The following GAS2L3 variants were observed in gnomAD, a reference collection of about 807,000 sequenced individuals.
The protein encoded by GAS2L3 is GAS2-like protein 3.
A neutral mutation model predicts 37.0 loss-of-function variants in GAS2L3; 28 were observed. The observed-to-expected ratio is 0.76, with a 90% CI of 0.56 to 1.04. GAS2L3 has a LOEUF of 1.04. GAS2L3 is among the 50% of genes least tolerant of loss of function. The pLI is 0.00. For synonymous variants in GAS2L3, 290 were observed against 296.6 expected, an observed-to-expected ratio of 0.98 and a Z score of 0.23; for missense variants, 793 against 817.6, an observed-to-expected ratio of 0.97 and a Z score of 0.37.
At position 100,624,263 on chromosome 12, in the gene GAS2L3, A is replaced by T. The variant is rs747304351; in HGVS notation, c.1458A>T (p.Val486=). ...HNHISSRDNA[V]SHLAAHSNSS... is the part of the protein sequence containing the mutation. ...ATATTTCTTCCAGAGATAATGCAGTATCTCACTTAGCTGCACATTCAAATT... is the reference window on the plus strand; with the variant it reads ...ATATTTCTTCCAGAGATAATGCAGTTTCTCACTTAGCTGCACATTCAAATT... The change falls in exon 10 of 10, where the codon GTA becomes GTT. Residue 486 remains valine (V), a synonymous_variant. Transcript: ENST00000547754. 1 of 1,614,006 alleles carries T rather than the reference A, an allele frequency of 6.2e-7. No individual in the cohort carries two copies. Among genetic ancestry groups the T allele is most frequent in the East Asian group, 2.2e-5 (1 of 44,890 alleles).
chr12:100,623,914 G>A lies in GAS2L3; in HGVS notation c.1109G>A (p.Arg370His), dbSNP rs146021257. The A allele has an allele frequency of 2.5e-4, 409 of 1,614,052 alleles. No individual in the cohort carries two copies. Among genetic ancestry groups the A allele is most frequent in the Middle Eastern group, 3.3e-4 (2 of 6,062 alleles). Reference protein sequence around the residue: ...KGGNLGSMSVRSKLPNSPAAS... With the variant: ...KGGNLGSMSVHSKLPNSPAAS... ...GGTAATCTGGGCTCTATGTCAGTCC[G>A]TTCTAAATTGCCAAATTCTCCAGCA... Residue 370 changes from arginine (R) to histidine (H), a missense_variant, in exon 10 of 10, where the codon CGT (arginine) becomes CAT (histidine). By Grantham distance (29) the Arg-to-His change is conservative. Transcript: ENST00000547754.
rs1035031351 is a variant in GAS2L3 at position 100,627,206 on chromosome 12, A to G, written c.*2316A>G. Among the ~76,000 whole-genome samples the G allele has an allele frequency of 6.6e-6, 1 of 152,138 alleles. No individual in the cohort carries two copies. The highest frequency in any genetic ancestry group is 2.4e-5 in the African/African-American group (1 of 41,450). On this transcript the variant is annotated 3_prime_UTR_variant, in exon 10 of 10. Transcript: ENST00000547754. Reference sequence around the variant, plus strand: ...TCTCCAATTACATTCATGTTGAATGAATTTTTATTTATATATAGCTTACCC... The same window carrying G: ...TCTCCAATTACATTCATGTTGAATGGATTTTTATTTATATATAGCTTACCC...
At chr12:100,588,243 A>G (rs1356604575) in intron 1 of GAS2L3, among the ~76,000 whole-genome samples, 1 of 152,142 alleles carries the variant, frequency 6.6e-6, no homozygotes, top group Non-Finnish European at 1.5e-5. Flanking sequence ...TATTTTCCAT[A>G]AGTGTCGGCT....
intron 5 of GAS2L3, among the ~76,000 whole-genome samples, chr12:100,607,028 G>A (rs1475905846): frequency 2.0e-5 from 3 of 152,112 alleles, no homozygotes; most frequent in Admixed American, 6.5e-5. Flanking sequence ...ACGATCTGAA[G>A]GGAAACCAGA....
At chr12:100,587,455 G>A (rs139329451) in intron 1 of GAS2L3, among the ~76,000 whole-genome samples, 2,542 of 152,288 alleles carry the variant, frequency 0.017, 38 homozygotes, top group South Asian at 0.029. Context: ...ATGTGATACA[G>A]CACATAAACA....
intron 3 of GAS2L3, among the ~76,000 whole-genome samples, chr12:100,598,454 A>T (rs998745116): frequency 4.6e-5 from 7 of 152,150 alleles, no homozygotes; most frequent in Non-Finnish European, 1.0e-4. Context: ...GCCTCCTATC[A>T]GGTAGCATAT....
At chr12:100,602,434 A>G (rs972392762) in intron 5 of GAS2L3, among the ~76,000 whole-genome samples, 1 of 151,666 alleles carries the variant, frequency 6.6e-6, no homozygotes, top group South Asian at 2.1e-4. Context: ...ATTCTGGGGG[A>G]TAGTGGATGA....
At chr12:100,593,221 G>T (rs189345221) in intron 2 of GAS2L3, among the ~76,000 whole-genome samples, 14 of 152,154 alleles carry the variant, frequency 9.2e-5, no homozygotes, top group Non-Finnish European at 1.0e-4. Flanking sequence ...TCAATGAAAA[G>T]CACATGCTCA....
In GAS2L3 at chr12:100,594,859, T is replaced by G. The variant is rs547865592; in HGVS notation, c.-30-16T>G. On this transcript the variant is annotated splice_polypyrimidine_tract_variant and intron_variant, in intron 2 of 9. Transcript: ENST00000547754. ...GCCACTGTTAACTGTATGTTAATATTTTGTTCTTTTTTCAGAAAAGAAATT... is the reference window on the plus strand; with the variant it reads ...GCCACTGTTAACTGTATGTTAATATGTTGTTCTTTTTTCAGAAAAGAAATT... 5.0e-5 allele frequency: 53 copies of G among 1,057,320 alleles called. No homozygotes were observed. The highest frequency in any genetic ancestry group is 6.8e-5 in the Non-Finnish European group (51 of 754,552). The allele number at this position is 1,057,320 out of a possible 1,614,324, so 65.5% of individuals were successfully genotyped here.
chr12:100,611,602 C>T (rs1368001740), intron 5 of GAS2L3, among the ~76,000 whole-genome samples: 1 of 152,088 alleles, frequency 6.6e-6, no homozygotes, highest in African/African-American at 2.4e-5. Context: ...ACTACTCCAC[C>T]TCAGATCATC....
intron 4 of GAS2L3, among the ~76,000 whole-genome samples, chr12:100,600,865 C>A (rs1295968753): frequency 6.6e-6 from 1 of 151,226 alleles, no homozygotes; most frequent in African/African-American, 2.4e-5. Context: ...TTTTTTTTTA[C>A]TGATTTCCTC....
chr12:100,585,613 C>T (rs1235259567), intron 1 of GAS2L3, among the ~76,000 whole-genome samples: 3 of 152,204 alleles, frequency 2.0e-5, no homozygotes, highest in Non-Finnish European at 2.9e-5. Context: ...TCATCACCCT[C>T]ATCTCAGTAA....
At chr12:100,606,709 A>G (rs1448061236) in intron 5 of GAS2L3, among the ~76,000 whole-genome samples, 3 of 152,040 alleles carry the variant, frequency 2.0e-5, no homozygotes, top group Non-Finnish European at 4.4e-5. Context: ...ATAACCCATT[A>G]TTTTAAACTG....
rs1480754176 is a variant in GAS2L3, at chr12:100,624,664, A to C, written c.1859A>C (p.Gln620Pro). Reference sequence around the variant, plus strand: ...CCACTGTCCATCGTGAGCCTACCCCAGTCTTCTACCAAAACACAAACTGCA... The same window carrying C: ...CCACTGTCCATCGTGAGCCTACCCCCGTCTTCTACCAAAACACAAACTGCA... Reference protein sequence around the residue: ...RTPLSIVSLPQSSTKTQTAPK... With the variant: ...RTPLSIVSLPPSSTKTQTAPK... The change falls in exon 10 of 10, where the codon CAG becomes CCG. Residue 620 changes from glutamine to proline, a missense_variant. Physicochemically the swap from Gln to Pro is moderately conservative, Grantham distance 76. Transcript: ENST00000547754. The C allele has an allele frequency of 4.3e-6, 7 of 1,614,028 alleles. No homozygotes were observed. Among genetic ancestry groups the C allele is most frequent in the East Asian group, 4.5e-5 (2 of 44,888 alleles).
rs369661431 is a variant in GAS2L3 at position 100,580,822 on chromosome 12, A to G, written c.-152+7037A>G. On this transcript the variant is annotated intron_variant, in intron 1 of 9. Coordinates refer to ENST00000547754, the MANE Select transcript of GAS2L3 (RefSeq NM_174942.3). ...AACTAGATGCTTCCTGCCGTTAAGG[A>G]CCAGAAATGCATTAACTCTTTATCA... Among the ~76,000 whole-genome samples the G allele has an allele frequency of 2.6e-5, 4 of 152,306 alleles. No homozygotes were observed. The South Asian group carries it at 8.3e-4, about 32-fold the overall frequency.
At chr12:100,604,703 C>G (rs1956035486) in intron 5 of GAS2L3, among the ~76,000 whole-genome samples, 1 of 151,802 alleles carries the variant, frequency 6.6e-6, no homozygotes, top group Non-Finnish European at 1.5e-5. Context: ...TCAGTTTTTC[C>G]CCATTTGGTA....
intron 5 of GAS2L3, among the ~76,000 whole-genome samples, chr12:100,606,657 T>G (rs1044022172): frequency 3.3e-5 from 5 of 152,098 alleles, no homozygotes; most frequent in African/African-American, 1.2e-4. Flanking sequence ...GTATCTGTTG[T>G]ATGTTTTTTG....
chr12:100,579,776 T>G lies in GAS2L3; in HGVS notation c.-152+5991T>G. 4.2e-6 allele frequency: 3 copies of G among 718,470 alleles called. No homozygotes were observed. In the South Asian group the frequency reaches 4.8e-5, roughly 11 times the overall value. The allele number at this position is 718,470 out of a possible 1,614,324, so 44.5% of individuals were successfully genotyped here. A position where few individuals can be genotyped will look rare whatever the true frequency, so the allele number is the denominator to read the frequency against. On this transcript the variant is annotated intron_variant, in intron 1 of 9. Coordinates refer to ENST00000547754, the MANE Select transcript of GAS2L3 (RefSeq NM_174942.3). ...CTGAGGTGCTTCCGGAAAATCTTAC[T>G]ATTTTATGAGAAACTTCAGTAAAAT...
chr12:100,579,730 G>A, intron 1 of GAS2L3: 4 of 747,488 alleles, frequency 5.4e-6, no homozygotes, highest in Non-Finnish European at 7.4e-6. Flanking sequence ...CAGGTTGTAA[G>A]TACCAGGGTT....
Sources: allele counts gnomAD v4.1 joint callset (sites outside exome capture counted in the v4.1 genomes callset), GRCh38; gene constraint gnomAD v4.1.1; transcripts MANE v1.5; gene names NCBI Gene and HGNC (gene_info 2026-07-23, HGNC 2026-07-21).